Variants in MEMO1 observed in about 807,000 individuals in gnomAD.
MEMO1 encodes the protein mediator of cell motility 1, also known as protein MEMO1.
A neutral mutation model predicts 45.2 loss-of-function variants in MEMO1; 6 were observed. The ratio of observed to expected loss-of-function variants is 0.13; its 90% CI spans 0.07 to 0.26. The LOEUF (loss-of-function observed/expected upper bound fraction) is 0.26, where lower values mean the gene tolerates loss of function less well. Among genes scored for constraint, MEMO1 ranks in the 10% least tolerant of loss-of-function variants. The pLI is 1.00. For missense variants in MEMO1, 184 were observed against 370.5 expected (o/e 0.50, Z 4.13); for synonymous variants, 78 against 124.3 (o/e 0.63, Z 2.48).
intron 2 of MEMO1, among the ~76,000 whole-genome samples, chr2:31,959,501 GA>G (rs70964743): frequency 2.1e-3 from 297 of 142,400 alleles, no homozygotes; most frequent in Admixed American, 4.8e-3. Flanking sequence ...AATGAGAACT[GA>G]AAAAAAAAAA....
intron 2 of MEMO1, among the ~76,000 whole-genome samples, chr2:32,002,186 T>TATATACAC (rs753352927): frequency 8.6e-5 from 10 of 116,066 alleles, no homozygotes; most frequent in African/African-American, 3.5e-4. Context: ...TATATATATA[T>TATATACAC]ACACACACAC....
chr2:31,965,723 G>GAAAACC (rs1426686422), intron 2 of MEMO1, among the ~76,000 whole-genome samples: 1 of 152,096 alleles, frequency 6.6e-6, no homozygotes, highest in African/African-American at 2.4e-5. Context: ...TGCAAGAACA[G>GAAAACC]AAAACCAAAC....
intron 3 of MEMO1, among the ~76,000 whole-genome samples, chr2:31,940,789 TC>T (rs1665520570): frequency 6.6e-6 from 1 of 152,192 alleles, no homozygotes; most frequent in Admixed American, 6.5e-5. Context: ...TGCTTAGGCC[TC>T]CCAAAGGGCT....
chr2:31,932,418 G>A (rs559871469), intron 3 of MEMO1, among the ~76,000 whole-genome samples: 9 of 151,602 alleles, frequency 5.9e-5, no homozygotes, highest in Non-Finnish European at 1.0e-4. Context: ...TATGTAACAC[G>A]ATTATTGAGG....
intron 2 of MEMO1, among the ~76,000 whole-genome samples, chr2:31,990,735 G>T (rs1671850499): frequency 3.3e-5 from 5 of 151,792 alleles, no homozygotes; most frequent in Admixed American, 3.3e-4. Flanking sequence ...TAGCTTCTCA[G>T]TTTTAGTTTC....
chr2:31,905,803 C>T (rs1679584723), intron 6 of MEMO1, among the ~76,000 whole-genome samples: 1 of 152,152 alleles, frequency 6.6e-6, no homozygotes, highest in Non-Finnish European at 1.5e-5. Context: ...CCTCATGATT[C>T]TAACCCTTAA....
chr2:31,928,607 T>A (rs1394840139), intron 4 of MEMO1, among the ~76,000 whole-genome samples: 2 of 151,716 alleles, frequency 1.3e-5, no homozygotes, highest in Non-Finnish European at 1.5e-5. Flanking sequence ...ACCAGTCCTA[T>A]TATAAATCAA....
At chr2:31,886,423 TAC>T (rs1295209301) in intron 7 of MEMO1, among the ~76,000 whole-genome samples, 4 of 152,254 alleles carry the variant, frequency 2.6e-5, no homozygotes, top group South Asian at 4.1e-4. Context: ...TATGTCTGCA[TAC>T]ACACACACAA....
intron 2 of MEMO1, among the ~76,000 whole-genome samples, chr2:31,998,508 A>T (rs1187612700): frequency 6.6e-6 from 1 of 152,080 alleles, no homozygotes; most frequent in African/African-American, 2.4e-5. Flanking sequence ...CTGGCTTTAA[A>T]AATCATTTAT....
intron 2 of MEMO1, among the ~76,000 whole-genome samples, chr2:31,985,241 G>A (rs188771033): frequency 1.4e-3 from 213 of 152,194 alleles, no homozygotes; most frequent in African/African-American, 4.9e-3. Flanking sequence ...ATCTATAAAC[G>A]CTGAAAGTGT....
chr2:31,904,035 G>A (rs1457808073), intron 6 of MEMO1, among the ~76,000 whole-genome samples: 1 of 152,188 alleles, frequency 6.6e-6, no homozygotes, highest in African/African-American at 2.4e-5. Flanking sequence ...AAGATCCAGT[G>A]AAACCTAAGC....
intron 8 of MEMO1, among the ~76,000 whole-genome samples, chr2:31,881,487 C>T (rs1175941487): frequency 3.6e-5 from 4 of 112,592 alleles, no homozygotes; most frequent in Non-Finnish European, 5.2e-5. Flanking sequence ...AGAGTGAGAG[C>T]CTGTCTTTAA....
At chr2:31,939,207 A>T (rs1665317228) in intron 3 of MEMO1, among the ~76,000 whole-genome samples, 1 of 152,026 alleles carries the variant, frequency 6.6e-6, no homozygotes, top group Admixed American at 6.6e-5. Context: ...TCCTATGTTA[A>T]CGAAATAGAA....
intron 6 of MEMO1, among the ~76,000 whole-genome samples, chr2:31,892,516 T>C (rs1235679795): frequency 6.6e-6 from 1 of 152,172 alleles, no homozygotes; most frequent in East Asian, 1.9e-4. Flanking sequence ...CCTTCTGTGA[T>C]TATAAAAGAC....
intron 2 of MEMO1, among the ~76,000 whole-genome samples, chr2:31,971,739 G>C (rs1669433445): frequency 6.6e-6 from 1 of 152,188 alleles, no homozygotes; most frequent in Non-Finnish European, 1.5e-5. Context: ...GGAGGCCGAG[G>C]TGGGAGGATT....
chr2:31,876,094 T>A (rs567565066), intron 8 of MEMO1, among the ~76,000 whole-genome samples: 3 of 152,218 alleles, frequency 2.0e-5, no homozygotes, highest in African/African-American at 7.2e-5. Flanking sequence ...ATTGTACTTA[T>A]ATAAAGTTCT....
intron 2 of MEMO1, among the ~76,000 whole-genome samples, chr2:31,957,671 C>T (rs1667556041): frequency 6.6e-6 from 1 of 152,188 alleles, no homozygotes; most frequent in South Asian, 2.1e-4. Context: ...ATCTAGAGAA[C>T]AGTCAAGACA....
chr2:31,911,156 C>T (rs1442066196), intron 6 of MEMO1, among the ~76,000 whole-genome samples: 1 of 152,062 alleles, frequency 6.6e-6, no homozygotes, highest in East Asian at 1.9e-4. Flanking sequence ...AACTATGGTA[C>T]ATCCACAAAA....
At chr2:31,921,854 G>A (rs1342105061) in intron 4 of MEMO1, among the ~76,000 whole-genome samples, 1 of 152,158 alleles carries the variant, frequency 6.6e-6, no homozygotes, top group Admixed American at 6.5e-5. Context: ...ACTAGATTAT[G>A]TGTTATTTGC....
Sources: gnomAD v4.1 joint callset for allele counts (sites outside exome capture counted in the v4.1 genomes callset) on GRCh38, gnomAD v4.1.1 for gene constraint, MANE v1.5 for transcripts, NCBI Gene and HGNC (gene_info 2026-07-23, HGNC 2026-07-21) for gene names.